Variants in TNN observed in about 807,000 individuals in gnomAD.
The protein encoded by TNN is tenascin N.
TNN carries 122 observed loss-of-function variants against 134.4 expected under a neutral mutation model. The observed-to-expected ratio is 0.91, with a 90% CI of 0.78 to 1.06. The LOEUF is 1.06. Among genes scored for constraint, TNN ranks in the 50% least tolerant of loss-of-function variants. The pLI, the probability that TNN is intolerant of heterozygous loss-of-function variation, is 0.00. For synonymous variants in TNN, 710 were observed against 670.3 expected (o/e 1.06, Z -0.91); for missense variants, 1,739 against 1,699.4 (o/e 1.02, Z -0.41).
At chr1:175,129,245 T>C (rs1250201789) in intron 15 of TNN, among the ~76,000 whole-genome samples, 1 of 152,208 alleles carries the variant, frequency 6.6e-6, no homozygotes, top group African/African-American at 2.4e-5. Flanking sequence ...TTAGGAGTGC[T>C]TCTGTTCTCA....
At chr1:175,142,621 T>C (rs941446632) in intron 17 of TNN, among the ~76,000 whole-genome samples, 7 of 127,660 alleles carry the variant, frequency 5.5e-5, no homozygotes, top group South Asian at 2.3e-4. Flanking sequence ...TCTTTTTTCT[T>C]TTCTTTTTTT....
chr1:175,142,782 C>T (rs2861156), intron 17 of TNN, among the ~76,000 whole-genome samples: 148,480 of 152,252 alleles, frequency 0.98, 72,414 homozygotes, highest in East Asian at 0.99. Context: ...CATGCCAGGC[C>T]AATTTTTGTA....
At chr1:175,134,023 A>G (rs1675737084) in intron 15 of TNN, among the ~76,000 whole-genome samples, 1 of 152,188 alleles carries the variant, frequency 6.6e-6, no homozygotes, top group Admixed American at 6.5e-5. Flanking sequence ...CTTAAATGCA[A>G]GGGAAGCTGT....
intron 8 of TNN, among the ~76,000 whole-genome samples, chr1:175,098,049 T>C (rs1674616205): frequency 6.6e-6 from 1 of 152,212 alleles, no homozygotes; most frequent in Non-Finnish European, 1.5e-5. Flanking sequence ...GGCAGCTGTT[T>C]AATTGGAGGT....
chr1:175,077,435 T>C lies in TNN; in HGVS notation c.17T>C (p.Met6Thr). The stretch of plus-strand genomic sequence containing the variant: ...TTTCCAAGGATGAGTCTCCAGGAGA[T>C]GTTCCGCTTCCCTATGGGGCTCCTG... The part of the protein sequence containing the change: MSLQE[M>T]FRFPMGLLLG... Residue 6 changes from methionine (M) to threonine (T), a missense_variant, in exon 2 of 19, where the codon ATG becomes ACG. Met to Thr is a moderately conservative substitution (Grantham distance 81). Coordinates refer to ENST00000239462, the MANE Select transcript of TNN (RefSeq NM_022093.2). The C allele has an allele frequency of 6.2e-7, 1 of 1,613,294 alleles. No individual in the cohort carries two copies.
chr1:175,080,068 T>C, intron 3 of TNN, 95 bp from the exon 4 acceptor site: 1 of 1,529,338 alleles, frequency 6.5e-7, no homozygotes, highest in Non-Finnish European at 8.8e-7. Flanking sequence ...GTCTGCATCC[T>C]GCACACCCAC....
intron 10 of TNN, 141 bp downstream of exon 10, chr1:175,117,346 C>T: frequency 7.3e-7 from 1 of 1,378,430 alleles, no homozygotes; most frequent in Non-Finnish European, 9.8e-7. Flanking sequence ...ACAGATTGCA[C>T]ACACCATCCC....
At chr1:175,091,023 G>T (rs1447449022) in intron 6 of TNN, among the ~76,000 whole-genome samples, 1 of 152,210 alleles carries the variant, frequency 6.6e-6, no homozygotes, top group East Asian at 1.9e-4. Flanking sequence ...CTGCTGAAAG[G>T]CTTCCTTGCA....
chr1:175,132,972 G>C (rs988075431), intron 15 of TNN, among the ~76,000 whole-genome samples: 3 of 152,188 alleles, frequency 2.0e-5, no homozygotes, highest in Admixed American at 2.0e-4. Context: ...TTTACTTCAA[G>C]GCACATGCTG....
At chr1:175,128,526 A>G in intron 14 of TNN, 69 bp from the exon 15 acceptor site, 1 of 1,492,082 alleles carries the variant, frequency 6.7e-7, no homozygotes, top group South Asian at 1.3e-5. Flanking sequence ...TTGCCTTAAA[A>G]TAGGAAGAAA....
chr1:175,097,799 TGAAA>T (rs1674609677), intron 8 of TNN, 116 bp downstream of exon 8: 1 of 1,402,092 alleles, frequency 7.1e-7, no homozygotes, highest in South Asian at 1.4e-5. Flanking sequence ...GTCTTAAAGA[TGAAA>T]GAAAGACTGA....
intron 11 of TNN, among the ~76,000 whole-genome samples, chr1:175,119,874 G>C (rs1021494677): frequency 6.6e-6 from 1 of 152,016 alleles, no homozygotes; most frequent in Non-Finnish European, 1.5e-5. Context: ...TCCTGACCTC[G>C]TGATCCGCCT....
intron 11 of TNN, among the ~76,000 whole-genome samples, chr1:175,119,312 T>C (rs1357307319): frequency 1.3e-5 from 2 of 152,244 alleles, no homozygotes; most frequent in Admixed American, 1.3e-4. Context: ...CCTTGGCATT[T>C]GTAAACTGTC....
At chr1:175,122,102 A>C (rs1675391952) in intron 11 of TNN, among the ~76,000 whole-genome samples, 1 of 151,802 alleles carries the variant, frequency 6.6e-6, no homozygotes, top group Non-Finnish European at 1.5e-5. Context: ...GAAAAGAGGG[A>C]GCTTTGGGAC....
chr1:175,130,828 C>T (rs747606963), intron 15 of TNN, among the ~76,000 whole-genome samples: 1 of 152,184 alleles, frequency 6.6e-6, no homozygotes, highest in Non-Finnish European at 1.5e-5. Flanking sequence ...CCTCCTCAAA[C>T]ACAGAGATCG....
intron 10 of TNN, among the ~76,000 whole-genome samples, chr1:175,118,340 C>T (rs1178133696): frequency 6.6e-6 from 1 of 152,032 alleles, no homozygotes; most frequent in East Asian, 1.9e-4. Flanking sequence ...AGGTAACAGC[C>T]TGGATTCTCA....
rs996774200 is a variant in TNN at position 175,136,870 on chromosome 1, G to A, written c.3477G>A (p.Glu1159=). 3.1e-6 allele frequency: 5 copies of A among 1,614,186 alleles called. No homozygotes were observed. Among genetic ancestry groups the A allele is most frequent in the Middle Eastern group, 3.3e-4 (2 of 6,062 alleles). The part of the protein sequence containing the change: ...NLTTGTPARY[E]VRVDLQTANE... ...CCACCGGCACTCCAGCGCGGTATGA[G>A]GTGAGAGTGGATTTACAGACTGCCA... Residue 1159 remains glutamate (E), a synonymous_variant, in exon 17 of 19, where the codon GAG becomes GAA. Coordinates refer to ENST00000239462, the MANE Select transcript of TNN (RefSeq NM_022093.2).
intron 5 of TNN, among the ~76,000 whole-genome samples, chr1:175,085,105 G>A (rs977795523): frequency 6.6e-6 from 1 of 152,214 alleles, no homozygotes; most frequent in African/African-American, 2.4e-5. Context: ...AAATAAAATT[G>A]GGAAATAAGT....
At chr1:175,142,030 A>G (rs900110334) in intron 17 of TNN, among the ~76,000 whole-genome samples, 7 of 152,216 alleles carry the variant, frequency 4.6e-5, no homozygotes, top group Non-Finnish European at 1.0e-4. Flanking sequence ...GGAACCTTCT[A>G]TGTAAATTAG....
Sources: gnomAD v4.1 joint callset for allele counts (sites outside exome capture counted in the v4.1 genomes callset) on GRCh38, gnomAD v4.1.1 for gene constraint, MANE v1.5 for transcripts, NCBI Gene and HGNC (gene_info 2026-07-23, HGNC 2026-07-21) for gene names.